Variants in PLSCR2 observed in about 807,000 individuals in gnomAD.
The protein encoded by PLSCR2 is phospholipid scramblase 2, also known as PL scramblase 2.
PLSCR2 carries 18 observed loss-of-function variants against 25.3 expected under a neutral mutation model. The observed-to-expected ratio is 0.71, with a 90% confidence interval of 0.49 to 1.06. The LOEUF (loss-of-function observed/expected upper bound fraction) is 1.06. Among genes scored for constraint, PLSCR2 ranks in the 50% least tolerant of loss-of-function variants. PLSCR2 has a pLI of 0.00. For synonymous variants in PLSCR2, 88 were observed against 87.3 expected (o/e 1.01, Z -0.04); for missense variants, 243 against 269.5 (o/e 0.90, Z 0.69).
chr3:146,460,588 C>G (rs1424461046), upstream of PLSCR2, among the ~76,000 whole-genome samples: 2 of 152,006 alleles, frequency 1.3e-5, no homozygotes, highest in African/African-American at 4.8e-5. Flanking sequence ...GGGGTTGACC[C>G]CTGAAGGGGT....
intron 3 of PLSCR2, among the ~76,000 whole-genome samples, chr3:146,456,335 T>C (rs12487546): frequency 0.57 from 87,089 of 151,940 alleles, 25,448 homozygotes; most frequent in South Asian, 0.76. Flanking sequence ...CAGAAATGTT[T>C]CTCACAAGTC....
chr3:146,471,437 G>A (rs1287108209), intron 1 of PLSCR2, among the ~76,000 whole-genome samples: 2 of 151,744 alleles, frequency 1.3e-5, no homozygotes, highest in Non-Finnish European at 1.5e-5. Flanking sequence ...TTATTTTACA[G>A]TTTTATTCTG....
chr3:146,394,508 T>C (rs761747856), intron 3 of PLSCR2, among the ~76,000 whole-genome samples: 4 of 152,124 alleles, frequency 2.6e-5, no homozygotes, highest in African/African-American at 9.7e-5. Context: ...TCAGGTGATC[T>C]GCCCACCTCG....
chr3:146,464,068 G>A (rs2041749552), upstream of PLSCR2: 1 of 636,240 alleles, frequency 1.6e-6, no homozygotes. Context: ...TCGGAATCCA[G>A]TTTGCATTAA....
intron 1 of PLSCR2, among the ~76,000 whole-genome samples, chr3:146,494,126 T>C (rs1201148166): frequency 6.6e-6 from 1 of 152,102 alleles, no homozygotes; most frequent in African/African-American, 2.4e-5. Flanking sequence ...CATTGGTTAA[T>C]GTTCGGAGTT....
chr3:146,454,857 T>G (rs1039519750), intron 4 of PLSCR2, among the ~76,000 whole-genome samples: 2 of 152,204 alleles, frequency 1.3e-5, no homozygotes, highest in Non-Finnish European at 2.9e-5. Flanking sequence ...GTTCTTTCCT[T>G]CATTCTTTTG....
chr3:146,487,537 A>G (rs556988241), intron 1 of PLSCR2, among the ~76,000 whole-genome samples: 1 of 152,312 alleles, frequency 6.6e-6, no homozygotes, highest in South Asian at 2.1e-4. Context: ...ATAGACAAGC[A>G]GAGAGCCAGA....
At chr3:146,444,478 ATCT>A (rs2040427543) in intron 6 of PLSCR2, among the ~76,000 whole-genome samples, 1 of 151,502 alleles carries the variant, frequency 6.6e-6, no homozygotes, top group Non-Finnish European at 1.5e-5. Context: ...CAATTGTTAC[ATCT>A]TCTTGCAAAA....
intron 1 of PLSCR2, among the ~76,000 whole-genome samples, chr3:146,493,678 T>C (rs1257056627): frequency 6.6e-6 from 1 of 151,944 alleles, no homozygotes; most frequent in East Asian, 1.9e-4. Flanking sequence ...GGTAAGCATG[T>C]GTTTTCAGCT....
In PLSCR2 at chr3:146,473,669, A is replaced by C. The variant is rs146124957; in HGVS notation, c.-292-13385T>G. 9.5e-4 allele frequency among the ~76,000 whole-genome samples: 144 copies of C among 152,338 alleles called. 1 individual carries two copies. The highest frequency in any genetic ancestry group is 3.2e-3 in the African/African-American group (132 of 41,572). On this transcript the variant is annotated intron_variant, in intron 1 of 8. Transcript: ENST00000336685. The stretch of plus-strand genomic sequence containing the variant: ...ACATAAACACACTGTTGGTTAACTA[A>C]TCAAAACTCAGTATCTGCTCTTACA...
chr3:146,460,386 T>A (rs1470135090), exon 1 of PLSCR2: 1 of 193,154 alleles, frequency 5.2e-6, no homozygotes, highest in African/African-American at 2.4e-5. Flanking sequence ...CACCATGATC[T>A]AAAGTGATCT....
chr3:146,459,310 A>G (rs947275996), intron 2 of PLSCR2, among the ~76,000 whole-genome samples: 5 of 152,176 alleles, frequency 3.3e-5, no homozygotes, highest in Non-Finnish European at 5.9e-5. Flanking sequence ...CTAAAACTCA[A>G]CTCTAAACTT....
At chr3:146,394,897 TG>T (rs962040913) in intron 3 of PLSCR2, among the ~76,000 whole-genome samples, 5 of 152,192 alleles carry the variant, frequency 3.3e-5, no homozygotes, top group African/African-American at 9.6e-5. Flanking sequence ...TCAGGAGATC[TG>T]ATGATTTTAT....
chr3:146,443,180 T>G (rs572016099), intron 6 of PLSCR2, among the ~76,000 whole-genome samples: 1 of 152,238 alleles, frequency 6.6e-6, no homozygotes, highest in East Asian at 1.9e-4. Context: ...TAGTATTTTG[T>G]TAAGGATTTT....
intron 2 of PLSCR2, among the ~76,000 whole-genome samples, chr3:146,403,729 A>G (rs1039090544): frequency 6.6e-6 from 1 of 152,090 alleles, no homozygotes. Context: ...TGAATAATTT[A>G]TTTAAAAACC....
At position 146,434,498 on chromosome 3, in the gene PLSCR2, A is replaced by T. The variant is rs528281477; in HGVS notation, c.*35-981T>A. Among the ~76,000 whole-genome samples the T allele has an allele frequency of 2.0e-5, 3 of 151,880 alleles. No individual in the cohort carries two copies. The East Asian group carries it at 5.8e-4, about 29-fold the overall frequency. On this transcript the variant is annotated intron_variant, in intron 8 of 8. Transcript: ENST00000336685. The stretch of plus-strand genomic sequence containing the variant: ...ATAGCCACTTAATGACATACTATGC[A>T]ACTAGTAAAAGGAATGAAAACATCT...
intron 2 of PLSCR2, among the ~76,000 whole-genome samples, chr3:146,410,880 T>C (rs2038824160): frequency 1.3e-5 from 2 of 152,130 alleles, no homozygotes; most frequent in South Asian, 2.1e-4. Flanking sequence ...CCTCTTAGCA[T>C]TGGCAGGCCA....
chr3:146,397,807 C>T (rs11715366), intron 2 of PLSCR2, among the ~76,000 whole-genome samples: 37,938 of 151,858 alleles, frequency 0.25, 5,144 homozygotes, highest in South Asian at 0.44. Flanking sequence ...TGGCTTTTAA[C>T]TTAAAATAGA....
intron 5 of PLSCR2, among the ~76,000 whole-genome samples, chr3:146,449,656 T>G (rs2040782013): frequency 6.6e-6 from 1 of 152,174 alleles, no homozygotes; most frequent in Non-Finnish European, 1.5e-5. Context: ...TATTTGAATT[T>G]AACCCAAACA....
Sources: gnomAD v4.1 joint callset for allele counts (sites outside exome capture counted in the v4.1 genomes callset) on GRCh38, gnomAD v4.1.1 for gene constraint, MANE v1.5 for transcripts, NCBI Gene and HGNC (gene_info 2026-07-23, HGNC 2026-07-21) for gene names.